Variants in UBAP2 observed in about 807,000 individuals in gnomAD.
UBAP2 encodes ubiquitin associated protein 2.
UBAP2 carries 75 observed loss-of-function variants against 139.6 expected under a neutral mutation model. The observed-to-expected ratio is 0.54, with a 90% CI of 0.45 to 0.65. The LOEUF (loss-of-function observed/expected upper bound fraction) is 0.65. UBAP2 is among the 30% of genes least tolerant of loss of function. UBAP2 has a pLI of 0.00. For synonymous variants in UBAP2, 526 were observed against 526.2 expected (o/e 1.00, Z 0.01); for missense variants, 1,368 against 1,369.6 (o/e 1.00, Z 0.02).
chr9:34,030,063 G>A (rs1825757460), intron 1 of UBAP2, among the ~76,000 whole-genome samples: 1 of 152,074 alleles, frequency 6.6e-6, no homozygotes, highest in South Asian at 2.1e-4. Flanking sequence ...CACTTTGAGA[G>A]GCTGTGGCAG....
At chr9:33,925,248 C>T (rs547438443) in intron 22 of UBAP2, among the ~76,000 whole-genome samples, 40 of 152,294 alleles carry the variant, frequency 2.6e-4, no homozygotes, top group Middle Eastern at 3.4e-3. Flanking sequence ...GGAAACCTCC[C>T]GGAAACCCAT....
intron 3 of UBAP2, 32 bp downstream of exon 3, chr9:33,998,755 A>T: frequency 6.4e-7 from 1 of 1,572,724 alleles, no homozygotes; most frequent in Non-Finnish European, 8.7e-7. Flanking sequence ...AATAGATTAT[A>T]AAAATGATGA....
chr9:33,965,568 T>C (rs1827382398), intron 8 of UBAP2, among the ~76,000 whole-genome samples: 2 of 152,250 alleles, frequency 1.3e-5, no homozygotes, highest in South Asian at 4.1e-4. Context: ...TAAGTTGTAC[T>C]TTCAGGTTTC....
rs761980689 is a variant in UBAP2 at position 33,953,493 on chromosome 9, A to G, written c.867-19T>C. On this transcript the variant is annotated intron_variant, in intron 11 of 28. Coordinates refer to ENST00000379238, the MANE Select transcript of UBAP2 (RefSeq NM_001370062.2). ...ATCAATGCTAAGCAGACAAAAAGCA[A>G]TGAGGAACCAGTCATAAGCAAATCT... is the stretch of plus-strand genomic sequence containing the variant. 6.2e-7 allele frequency: 1 copy of G among 1,605,796 alleles called. No homozygotes were observed. Among genetic ancestry groups the G allele is most frequent in the African/African-American group, 1.3e-5 (1 of 74,548 alleles).
intron 22 of UBAP2, 32 bp from the exon 23 acceptor site, chr9:33,924,316 CTGGCCCTGCT>C (rs775255618): frequency 1.3e-6 from 2 of 1,598,974 alleles, no homozygotes; most frequent in Non-Finnish European, 1.7e-6. Flanking sequence ...TGATCAGCGA[CTGGCCCTGCT>C]TGACTCCCAG....
At chr9:33,933,138 A>C (rs56324928) in intron 18 of UBAP2, among the ~76,000 whole-genome samples, 29,577 of 152,058 alleles carry the variant, frequency 0.19, 3,648 homozygotes, top group East Asian at 0.59. Flanking sequence ...CTGCTCAGAA[A>C]TCCATCATTC....
chr9:33,970,434 A>G (rs1827831662), intron 8 of UBAP2, among the ~76,000 whole-genome samples: 1 of 149,078 alleles, frequency 6.7e-6, no homozygotes, highest in East Asian at 2.0e-4. Flanking sequence ...GTTTGTGTGC[A>G]TTATTTTTTT....
chr9:33,926,049 G>C lies in UBAP2; in HGVS notation c.2511+568C>G, dbSNP rs974029511. ...ACGGTCAGAAGAAAGAGGCAACCCT[G>C]GTCTCAGAGTAAGGCTGCAACCACC... On this transcript the variant is annotated intron_variant, in intron 22 of 28. Coordinates refer to ENST00000379238, the MANE Select transcript of UBAP2 (RefSeq NM_001370062.2). Among the ~76,000 whole-genome samples the C allele has an allele frequency of 2.0e-5, 3 of 152,198 alleles. No homozygotes were observed. The South Asian group carries it at 6.2e-4, about 31-fold the overall frequency.
At chr9:33,998,513 A>T in intron 3 of UBAP2, 1 of 318,000 alleles carries the variant, frequency 3.1e-6, no homozygotes, top group East Asian at 5.8e-5. Flanking sequence ...GGAAAACCTC[A>T]GTGTGCTTAC....
intron 2 of UBAP2, among the ~76,000 whole-genome samples, chr9:34,002,288 A>G (rs1443901084): frequency 6.6e-6 from 1 of 151,880 alleles, no homozygotes; most frequent in African/African-American, 2.4e-5. Flanking sequence ...AATACTTAAC[A>G]TACTACCATG....
chr9:33,934,806 A>G (rs1260050083), intron 17 of UBAP2, among the ~76,000 whole-genome samples: 2 of 152,210 alleles, frequency 1.3e-5, no homozygotes, highest in Non-Finnish European at 1.5e-5. Flanking sequence ...GAAACCTGCC[A>G]CTACCACTGC....
At chr9:33,965,113 G>C (rs953892303) in intron 8 of UBAP2, among the ~76,000 whole-genome samples, 2 of 152,110 alleles carry the variant, frequency 1.3e-5, no homozygotes, top group Admixed American at 6.6e-5. Flanking sequence ...TAATTATAGA[G>C]TCACAGGAAT....
rs1210132145 is a variant in UBAP2 at position 33,921,864 on chromosome 9, T to C, written c.*640A>G. 6.6e-6 allele frequency: 1 copy of C among 151,890 alleles called. No homozygotes were observed. Among genetic ancestry groups the C allele is most frequent in the Non-Finnish European group, 1.5e-5 (1 of 67,936 alleles). 9.4% of individuals were successfully genotyped at this position (151,890 alleles called of 1,614,324 possible). On this transcript the variant is annotated 3_prime_UTR_variant, in exon 29 of 29. Coordinates refer to ENST00000379238, the MANE Select transcript of UBAP2 (RefSeq NM_001370062.2). ...CAGATTATTTTTTTTTTTTTCATGG[T>C]CAGCCAGTCTCTAGTAAGTCTCTAG...
intron 6 of UBAP2, among the ~76,000 whole-genome samples, chr9:33,981,868 G>C (rs916139468): frequency 6.7e-6 from 1 of 150,114 alleles, no homozygotes; most frequent in Admixed American, 6.7e-5. Flanking sequence ...AAGGAAGGAA[G>C]GAAGGAAGGA....
At chr9:34,007,887 C>T (rs1587650907) in intron 2 of UBAP2, among the ~76,000 whole-genome samples, 1 of 151,990 alleles carries the variant, frequency 6.6e-6, no homozygotes, top group Admixed American at 6.6e-5. Context: ...ATGATCTGCC[C>T]GCCTCGGCCT....
chr9:33,947,032 T>C (rs1189655374), intron 13 of UBAP2, among the ~76,000 whole-genome samples: 1 of 152,144 alleles, frequency 6.6e-6, no homozygotes, highest in Non-Finnish European at 1.5e-5. Flanking sequence ...GTATAAACAA[T>C]GTGGTTTATG....
chr9:33,930,895 C>CAAAA (rs57202118), intron 19 of UBAP2, among the ~76,000 whole-genome samples: 19 of 73,230 alleles, frequency 2.6e-4, no homozygotes, highest in African/African-American at 7.0e-4. Context: ...GACTGCATCT[C>CAAAA]AAAAAAAAAA....
chr9:33,926,914 C>A, intron 21 of UBAP2, 75 bp downstream of exon 21: 2 of 1,468,292 alleles, frequency 1.4e-6, no homozygotes, highest in Non-Finnish European at 1.9e-6. Context: ...CTGGGCCCAA[C>A]GCCAGGTTCC....
intron 2 of UBAP2, among the ~76,000 whole-genome samples, chr9:34,007,509 T>A (rs1823328531): frequency 6.6e-6 from 1 of 151,990 alleles, no homozygotes; most frequent in South Asian, 2.1e-4. Flanking sequence ...AAATAGCCTT[T>A]ATTATTTTGA....
Sources: allele counts gnomAD v4.1 joint callset (sites outside exome capture counted in the v4.1 genomes callset), GRCh38; gene constraint gnomAD v4.1.1; transcripts MANE v1.5; gene names NCBI Gene and HGNC (gene_info 2026-07-23, HGNC 2026-07-21).